The following CDCA2 variants were observed in gnomAD, a reference collection of about 807,000 sequenced individuals.
The protein encoded by CDCA2 is cell division cycle-associated protein 2.
In CDCA2, 44 loss-of-function variants were observed where a neutral mutation model predicts 67.0. The observed-to-expected ratio is 0.66, with a 90% CI of 0.52 to 0.84. The LOEUF (loss-of-function observed/expected upper bound fraction) is 0.84. CDCA2 is among the 40% of genes least tolerant of loss of function. CDCA2 has a pLI of 0.00. For missense variants in CDCA2, 1,253 were observed against 1,203.2 expected, an observed-to-expected ratio of 1.04 and a Z score of -0.61; for synonymous variants, 447 against 418.7, an observed-to-expected ratio of 1.07 and a Z score of -0.82.
chr8:25,488,891 A>C (rs1019464994), intron 13 of CDCA2, among the ~76,000 whole-genome samples: 3 of 152,102 alleles, frequency 2.0e-5, no homozygotes, highest in Non-Finnish European at 4.4e-5. Flanking sequence ...CGTCTTCTTC[A>C]TCTTCTTGTG....
chr8:25,460,197 T>G (rs1563255167), intron 1 of CDCA2, 43 bp from the exon 2 acceptor site: 1 of 1,590,272 alleles, frequency 6.3e-7, no homozygotes. Flanking sequence ...CACGTTCATC[T>G]TGCTGGTGGG....
intron 7 of CDCA2, among the ~76,000 whole-genome samples, chr8:25,475,483 C>T (rs1023666342): frequency 1.7e-4 from 26 of 152,316 alleles, no homozygotes; most frequent in Middle Eastern, 3.4e-3. Flanking sequence ...TGCACCACTG[C>T]ACTGGAGCCT....
In CDCA2 at chr8:25,503,410, A is replaced by G. The variant is rs762371811; in HGVS notation, c.1709A>G (p.Lys570Arg). The G allele has an allele frequency of 3.2e-5, 52 of 1,614,030 alleles. No individual in the cohort carries two copies. Among genetic ancestry groups the G allele is most frequent in the Middle Eastern group, 3.3e-4 (2 of 6,084 alleles). ...TGCAGAAAGAAGAAAGGAAAGGGAA[A>G]GAAAAGTGTTCAGAAATCTTTATAT... is the stretch of plus-strand genomic sequence containing the variant. ...KSCRKKKGKG[K>R]KSVQKSLYGE... Residue 570 changes from lysine (K) to arginine (R), a missense_variant, in exon 14 of 15, where the codon AAG becomes AGG. Transcript: ENST00000330560.
intron 14 of CDCA2, among the ~76,000 whole-genome samples, chr8:25,505,169 T>C (rs1804628401): frequency 6.6e-6 from 1 of 152,142 alleles, no homozygotes; most frequent in Non-Finnish European, 1.5e-5. Context: ...TTCTCTAGTA[T>C]GTTGGATTTT....
Position 25,468,558 on chromosome 8 carries a change from C to CGTGCGT in CDCA2, c.735+148_735+149insCGTGTG, listed in dbSNP as rs1803025905. The CGTGCGT allele has an allele frequency of 2.2e-5, 6 of 270,196 alleles. No individual in the cohort carries two copies. The East Asian group carries it at 2.6e-4, about 12-fold the overall frequency. The allele number at this position is 270,196 out of a possible 1,614,324, so 16.7% of individuals were successfully genotyped here. ...GTGTGTGTGTGTGTGTGTGTGTGTGCGTGTGTGTGTGTGTGTTTCCTACCT... is the reference window on the plus strand; with the variant it reads ...GTGTGTGTGTGTGTGTGTGTGTGTGCGTGCGTGTGTGTGTGTGTGTGTTTCCTACCT... On this transcript the variant is annotated intron_variant, in intron 6 of 14. Coordinates refer to ENST00000330560, the MANE Select transcript of CDCA2 (RefSeq NM_152562.4).
Position 25,469,911 on chromosome 8 carries a change from G to A in CDCA2, c.751G>A (p.Gly251Ser). ...TTTCCCCAAGATATCATCTAAACTT[G>A]GTTCAACACAGTCTGGATTTTTAGT... Reference protein sequence around the residue: ...VDLSEISSKLGSTQSGFLVEE... With the variant: ...VDLSEISSKLSSTQSGFLVEE... The change falls in exon 7 of 15, where the codon GGT (glycine) becomes AGT (serine). Residue 251 changes from glycine (G) to serine (S), a missense_variant. By Grantham distance (56) the Gly-to-Ser change is moderately conservative (BLOSUM62 0). Transcript: ENST00000330560. The A allele has an allele frequency of 6.2e-7, 1 of 1,608,550 alleles. No homozygotes were observed. The highest frequency in any genetic ancestry group is 8.5e-7 in the Non-Finnish European group (1 of 1,176,342).
Position 25,503,514 on chromosome 8 carries a change from T to A in CDCA2, c.1813T>A (p.Ser605Thr), listed in dbSNP as rs370180936. 1 of 1,612,348 alleles carries A rather than the reference T, an allele frequency of 6.2e-7. No individual in the cohort carries two copies. Among genetic ancestry groups the A allele is most frequent in the East Asian group, 2.2e-5 (1 of 44,848 alleles). Reference sequence around the variant, plus strand: ...GCCTGAAGTCCCTGAGATGACACCTTCCATTCCGAGCATCCGAAGACTGGG... The same window carrying A: ...GCCTGAAGTCCCTGAGATGACACCTACCATTCCGAGCATCCGAAGACTGGG... Reference protein sequence around the residue: ...ELPEVPEMTPSIPSIRRLGSG... With the variant: ...ELPEVPEMTPTIPSIRRLGSG... Residue 605 changes from serine to threonine, a missense_variant, in exon 14 of 15, where the codon TCC becomes ACC. Ser to Thr is a moderately conservative substitution (Grantham distance 58). Transcript: ENST00000330560.
rs142696268 is a variant in CDCA2, at chr8:25,488,623, G to A, written c.1605G>A (p.Lys535=). Residue 535 remains lysine (K), a synonymous_variant, in exon 13 of 15, where the codon AAG becomes AAA. Transcript: ENST00000330560. ...LNTEVQPCKE[K]KINRRKSQET... Reference sequence around the variant, plus strand: ...CAGAAGTTCAGCCTTGTAAAGAAAAGAAAATTAATAGGAGGAAGTCTCAAG... The same window carrying A: ...CAGAAGTTCAGCCTTGTAAAGAAAAAAAAATTAATAGGAGGAAGTCTCAAG... The A allele has an allele frequency of 9.0e-4, 1,444 of 1,612,994 alleles. 2 individuals are homozygous for A. The highest frequency in any genetic ancestry group is 1.1e-3 in the Non-Finnish European group (1,302 of 1,179,688).
intron 3 of CDCA2, among the ~76,000 whole-genome samples, chr8:25,461,739 A>C (rs1441740902): frequency 6.6e-6 from 1 of 152,250 alleles, no homozygotes; most frequent in African/African-American, 2.4e-5. Context: ...CTGAGTCAAA[A>C]GCAAAAGCCA....
rs1803269172 is a variant in CDCA2 at position 25,474,393 on chromosome 8, A to G, written c.820+4413A>G. Among the ~76,000 whole-genome samples the G allele has an allele frequency of 3.9e-5, 6 of 152,342 alleles. No homozygotes were observed. In the South Asian group the frequency reaches 1.2e-3, roughly 32 times the overall value. On this transcript the variant is annotated intron_variant, in intron 7 of 14. Transcript: ENST00000330560. ...AATGTTTGATGGAAGTCAGCAATAA[A>G]GCCATCTGGTCCTGGGCTTTTCTTT...
chr8:25,491,257 A>G (rs1379557892), intron 13 of CDCA2, among the ~76,000 whole-genome samples: 1 of 152,188 alleles, frequency 6.6e-6, no homozygotes, highest in African/African-American at 2.4e-5. Context: ...TCATCCAAAT[A>G]AAAGAAGAGG....
intron 7 of CDCA2, among the ~76,000 whole-genome samples, chr8:25,477,474 A>C (rs777717885): frequency 3.3e-5 from 5 of 152,212 alleles, no homozygotes; most frequent in African/African-American, 4.8e-5. Flanking sequence ...TTTGAGTGCA[A>C]ACATGACACT....
At chr8:25,461,968 T>C (rs1802708791) in intron 3 of CDCA2, 86 bp from the exon 4 acceptor site, 1 of 1,316,238 alleles carries the variant, frequency 7.6e-7, no homozygotes, top group Admixed American at 2.0e-5. Flanking sequence ...ATGTTTTCTC[T>C]CTCAGGCTGG....
At chr8:25,477,297 G>C (rs1468964598) in intron 7 of CDCA2, among the ~76,000 whole-genome samples, 1 of 152,116 alleles carries the variant, frequency 6.6e-6, no homozygotes, top group Non-Finnish European at 1.5e-5. Flanking sequence ...ATTTTCCCTT[G>C]CATCACTGAC....
intron 14 of CDCA2, among the ~76,000 whole-genome samples, chr8:25,503,774 C>T (rs981039645): frequency 6.6e-6 from 1 of 152,174 alleles, no homozygotes. Flanking sequence ...GATCCTTTCC[C>T]CAGGAAAACC....
intron 13 of CDCA2, among the ~76,000 whole-genome samples, chr8:25,493,064 C>G (rs1224575570): frequency 6.6e-6 from 1 of 152,120 alleles, no homozygotes; most frequent in Non-Finnish European, 1.5e-5. Context: ...GCATGCTCAA[C>G]TCTTAGAACA....
chr8:25,502,187 G>A lies in CDCA2; in HGVS notation c.1672-1186G>A, dbSNP rs142032606. On this transcript the variant is annotated intron_variant, in intron 13 of 14. Coordinates refer to ENST00000330560, the MANE Select transcript of CDCA2 (RefSeq NM_152562.4). ...TGGGATTACAGGCGTAAGCCACCAC[G>A]CCTGGCCTGTGTTAATTGTTAATAT... 2.1e-4 allele frequency among the ~76,000 whole-genome samples: 32 copies of A among 152,272 alleles called. No individual in the cohort carries two copies. In the East Asian group the frequency reaches 5.0e-3, roughly 24 times the overall value.
At chr8:25,478,518 C>A (rs1374223392) in intron 7 of CDCA2, among the ~76,000 whole-genome samples, 1 of 152,152 alleles carries the variant, frequency 6.6e-6, no homozygotes, top group Non-Finnish European at 1.5e-5. Context: ...TCATCGACTT[C>A]CTGTTATACT....
chr8:25,465,813 T>G (rs1181127438), intron 4 of CDCA2, among the ~76,000 whole-genome samples: 1 of 152,164 alleles, frequency 6.6e-6, no homozygotes, highest in Non-Finnish European at 1.5e-5. Context: ...GACTTACCTG[T>G]GACACAAGCA....
Sources: gnomAD v4.1 joint callset for allele counts (sites outside exome capture counted in the v4.1 genomes callset) on GRCh38, gnomAD v4.1.1 for gene constraint, MANE v1.5 for transcripts, NCBI Gene and HGNC (gene_info 2026-07-23, HGNC 2026-07-21) for gene names.